The following DCC variants were observed in gnomAD, a reference collection of about 807,000 sequenced individuals.
The protein encoded by DCC is DCC netrin 1 receptor.
DCC carries 58 observed loss-of-function variants against 172.5 expected under a neutral mutation model. The observed-to-expected ratio is 0.34, with a 90% CI of 0.27 to 0.42. The LOEUF is 0.42. Ranked by LOEUF, DCC falls within the 10% of genes least tolerant of loss-of-function variation. DCC has a pLI of 1.00. For missense variants in DCC, 1,740 were observed against 1,791.0 expected (o/e 0.97, Z 0.51); for synonymous variants, 709 against 644.5 (o/e 1.10, Z -1.52).
intron 6 of DCC, 70 bp from the exon 7 acceptor site, chr18:53,065,976 T>C (rs538839257): frequency 3.1e-6 from 5 of 1,593,000 alleles, no homozygotes; most frequent in Non-Finnish European, 1.7e-6. Flanking sequence ...TTTGGTCTCA[T>C]CTAAGTTCAT....
intron 2 of DCC, among the ~76,000 whole-genome samples, chr18:52,765,858 T>C (rs79786285): frequency 6.6e-6 from 1 of 152,276 alleles, no homozygotes; most frequent in African/African-American, 2.4e-5. Context: ...ATGGAAACGT[T>C]CTGGGCCTAG....
intron 15 of DCC, among the ~76,000 whole-genome samples, chr18:53,382,290 A>G (rs1022919879): frequency 7.9e-5 from 12 of 152,144 alleles, no homozygotes; most frequent in African/African-American, 2.2e-4. Context: ...TAGATGATTC[A>G]TATATTTGAA....
chr18:52,349,301 G>A (rs1984015443), intron 1 of DCC, among the ~76,000 whole-genome samples: 1 of 152,116 alleles, frequency 6.6e-6, no homozygotes, highest in Admixed American at 6.6e-5. Context: ...GTAGTGTGTT[G>A]CCTTCTGTGC....
At chr18:53,402,070 T>G (rs966870645) in intron 18 of DCC, among the ~76,000 whole-genome samples, 5 of 152,156 alleles carry the variant, frequency 3.3e-5, no homozygotes, top group African/African-American at 1.2e-4. Flanking sequence ...CTAAGATATT[T>G]TGACCCCAGT....
chr18:52,591,308 A>G (rs183208782), intron 1 of DCC, among the ~76,000 whole-genome samples: 3 of 152,328 alleles, frequency 2.0e-5, no homozygotes, highest in Admixed American at 2.0e-4. Context: ...AATTTTTATT[A>G]TAACAAAAAT....
chr18:53,238,359 C>G (rs1464624177), intron 12 of DCC, among the ~76,000 whole-genome samples: 8 of 152,076 alleles, frequency 5.3e-5, no homozygotes, highest in Admixed American at 3.9e-4. Flanking sequence ...AAGACTGTAA[C>G]TATTTTAGAA....
At chr18:52,454,351 C>A (rs927650451) in intron 1 of DCC, among the ~76,000 whole-genome samples, 2 of 152,048 alleles carry the variant, frequency 1.3e-5, no homozygotes, top group South Asian at 4.1e-4. Flanking sequence ...AAAAATCCCT[C>A]AGGATAACTT....
At chr18:52,872,827 T>A (rs1249091805) in intron 2 of DCC, among the ~76,000 whole-genome samples, 1 of 152,196 alleles carries the variant, frequency 6.6e-6, no homozygotes, top group Non-Finnish European at 1.5e-5. Flanking sequence ...TGATCACTTG[T>A]AAGAGCTCAG....
intron 15 of DCC, among the ~76,000 whole-genome samples, chr18:53,351,369 G>GTGTATATATATACATATATATATACTGTA (rs1555656840): frequency 6.2e-5 from 2 of 32,356 alleles, no homozygotes; most frequent in Admixed American, 9.0e-4. Flanking sequence ...TATATATACT[G>GTGTATATATATACATATATATATACTGTA]TATATATATA....
chr18:52,668,728 A>G (rs1216072381), intron 1 of DCC, among the ~76,000 whole-genome samples: 1 of 152,196 alleles, frequency 6.6e-6, no homozygotes, highest in African/African-American at 2.4e-5. Flanking sequence ...TATCTGATCA[A>G]TTTGACAGAG....
In DCC at chr18:52,802,555, T is replaced by G. The variant is rs572036551; in HGVS notation, c.412+50181T>G. 3.4e-5 allele frequency among the ~76,000 whole-genome samples: 5 copies of G among 146,404 alleles called. No individual in the cohort carries two copies. The South Asian group carries it at 1.1e-3, about 32-fold the overall frequency. On this transcript the variant is annotated intron_variant, in intron 2 of 28. Coordinates refer to ENST00000442544, the MANE Select transcript of DCC (RefSeq NM_005215.4). The stretch of plus-strand genomic sequence containing the variant: ...AGTGGCATGAACAGGGCCGACTGAC[T>G]GCAGCCTCAGTCTCCTGAGCTCAAG...
intron 15 of DCC, among the ~76,000 whole-genome samples, chr18:53,351,437 T>TAC (rs2057807909): frequency 1.7e-5 from 1 of 58,818 alleles, no homozygotes; most frequent in Non-Finnish European, 2.9e-5. Flanking sequence ...TATATATATA[T>TAC]ACAGTGTATA....
chr18:53,240,578 C>A (rs962603169), intron 12 of DCC, among the ~76,000 whole-genome samples: 20 of 152,020 alleles, frequency 1.3e-4, no homozygotes, highest in African/African-American at 4.8e-4. Flanking sequence ...AATATTAAGT[C>A]CCTCTTTTCA....
At chr18:52,977,652 G>A (rs190382427) in intron 5 of DCC, among the ~76,000 whole-genome samples, 3 of 152,180 alleles carry the variant, frequency 2.0e-5, no homozygotes, top group Admixed American at 6.5e-5. Flanking sequence ...TTGGGAGGCC[G>A]AGGCGGGTGG....
chr18:53,250,906 C>T (rs545370060), intron 12 of DCC, among the ~76,000 whole-genome samples: 1 of 152,060 alleles, frequency 6.6e-6, no homozygotes, highest in African/African-American at 2.4e-5. Flanking sequence ...AACCTGTTCT[C>T]ATCGAGGTCA....
intron 7 of DCC, among the ~76,000 whole-genome samples, chr18:53,087,699 A>T (rs372980707): frequency 6.6e-6 from 1 of 151,692 alleles, no homozygotes; most frequent in Admixed American, 6.6e-5. Flanking sequence ...CTGAATGGTA[A>T]TGCCTAGGTT....
chr18:52,430,971 A>T (rs1987602097), intron 1 of DCC, among the ~76,000 whole-genome samples: 2 of 152,182 alleles, frequency 1.3e-5, no homozygotes, highest in Non-Finnish European at 2.9e-5. Flanking sequence ...TTGGCTTCTC[A>T]GAATGAGTGG....
intron 2 of DCC, among the ~76,000 whole-genome samples, chr18:52,863,587 T>G (rs542735521): frequency 6.6e-6 from 1 of 151,878 alleles, no homozygotes; most frequent in Admixed American, 6.5e-5. Flanking sequence ...TATTCAATGA[T>G]TATTCATCAT....
intron 1 of DCC, among the ~76,000 whole-genome samples, chr18:52,373,636 G>GA (rs1304824319): frequency 5.9e-5 from 9 of 152,130 alleles, no homozygotes; most frequent in Non-Finnish European, 1.3e-4. Context: ...CATTACATGT[G>GA]AAGGTTAGAG....
Sources: gnomAD v4.1 joint callset for allele counts (sites outside exome capture counted in the v4.1 genomes callset) on GRCh38, gnomAD v4.1.1 for gene constraint, MANE v1.5 for transcripts, NCBI Gene and HGNC (gene_info 2026-07-23, HGNC 2026-07-21) for gene names.